Variants in CDH13 observed in about 807,000 individuals in gnomAD.
CDH13 encodes the protein cadherin 13.
In CDH13, 24 loss-of-function variants were observed where a neutral mutation model predicts 63.8. The ratio of observed to expected loss-of-function variants is 0.38; its 90% CI spans 0.27 to 0.53. The LOEUF (loss-of-function observed/expected upper bound fraction) is 0.53, where lower values mean the gene tolerates loss of function less well. CDH13 is among the 20% of genes least tolerant of loss of function. The pLI, the probability that CDH13 is intolerant of heterozygous loss-of-function variation, is 0.85. For synonymous variants in CDH13, 503 were observed against 355.3 expected (o/e 1.42, Z -4.67); for missense variants, 1,049 against 903.1 (o/e 1.16, Z -2.07).
intron 1 of CDH13, among the ~76,000 whole-genome samples, chr16:82,702,088 C>T (rs560390523): frequency 5.3e-5 from 8 of 152,282 alleles, no homozygotes; most frequent in South Asian, 4.1e-4. Flanking sequence ...TCCTTGAATG[C>T]GAAGAACCAG....
At chr16:83,565,999 C>A (rs899564856) in intron 7 of CDH13, among the ~76,000 whole-genome samples, 1 of 152,194 alleles carries the variant, frequency 6.6e-6, no homozygotes, top group Non-Finnish European at 1.5e-5. Context: ...TTGTTTAAGA[C>A]TGGGACTCAT....
chr16:83,373,039 A>G (rs148151038), intron 6 of CDH13, among the ~76,000 whole-genome samples: 158 of 152,316 alleles, frequency 1.0e-3, no homozygotes, highest in African/African-American at 3.5e-3. Flanking sequence ...TCATATCAAT[A>G]AAATTGATCA....
intron 5 of CDH13, among the ~76,000 whole-genome samples, chr16:83,256,162 T>C (rs571309082): frequency 1.3e-5 from 2 of 152,192 alleles, no homozygotes; most frequent in Admixed American, 6.5e-5. Context: ...GCCTTCCAAG[T>C]AGTTGGGACT....
chr16:82,759,631 A>C (rs1044252712), intron 1 of CDH13, among the ~76,000 whole-genome samples: 1 of 151,712 alleles, frequency 6.6e-6, no homozygotes, highest in Non-Finnish European at 1.5e-5. Flanking sequence ...ACTTTGGTCC[A>C]TATGCAGTAT....
chr16:83,515,678 T>C (rs906161030), intron 7 of CDH13, among the ~76,000 whole-genome samples: 5 of 152,236 alleles, frequency 3.3e-5, no homozygotes, highest in Admixed American at 6.5e-5. Context: ...TACCAAAATA[T>C]GAGAATCAAG....
intron 2 of CDH13, among the ~76,000 whole-genome samples, chr16:82,882,939 A>G (rs2040757341): frequency 2.0e-5 from 3 of 152,168 alleles, no homozygotes; most frequent in Non-Finnish European, 4.4e-5. Flanking sequence ...TACCCCTTTA[A>G]TGGGAGGGTT....
At chr16:82,733,768 A>C (rs1030000854) in intron 1 of CDH13, among the ~76,000 whole-genome samples, 1 of 152,238 alleles carries the variant, frequency 6.6e-6, no homozygotes, top group African/African-American at 2.4e-5. Flanking sequence ...ACTGCTTAAG[A>C]TATGAAGAGA....
rs1023693595 is a variant in CDH13, at chr16:82,657,419, G to A, written c.45+30282G>A. Among the ~76,000 whole-genome samples the A allele has an allele frequency of 2.0e-5, 3 of 152,192 alleles. No homozygotes were observed. In the East Asian group the frequency reaches 5.8e-4, roughly 29 times the overall value. On this transcript the variant is annotated intron_variant, in intron 1 of 13. Coordinates refer to ENST00000567109, the MANE Select transcript of CDH13 (RefSeq NM_001257.5). Reference sequence around the variant, plus strand: ...GGATGATGGGTAAGATAGACAGGATGGATACACTGAAGAAAATGATAATTC... The same window carrying A: ...GGATGATGGGTAAGATAGACAGGATAGATACACTGAAGAAAATGATAATTC...
intron 7 of CDH13, among the ~76,000 whole-genome samples, chr16:83,489,791 A>T (rs1339270959): frequency 6.6e-6 from 1 of 152,194 alleles, no homozygotes; most frequent in Admixed American, 6.5e-5. Context: ...TCTCAGCCAG[A>T]TGGGCAGAAA....
intron 5 of CDH13, among the ~76,000 whole-genome samples, chr16:83,323,741 G>A (rs1196393188): frequency 6.6e-6 from 1 of 152,136 alleles, no homozygotes; most frequent in East Asian, 1.9e-4. Context: ...CCATAGTACA[G>A]GCCATCACAC....
intron 1 of CDH13, among the ~76,000 whole-genome samples, chr16:82,697,047 A>G (rs1251289256): frequency 1.3e-5 from 2 of 152,228 alleles, no homozygotes; most frequent in Non-Finnish European, 2.9e-5. Context: ...GGAAGGAACC[A>G]GAACACCAGT....
chr16:83,622,357 C>A (rs770637700), intron 8 of CDH13, among the ~76,000 whole-genome samples: 2 of 152,132 alleles, frequency 1.3e-5, no homozygotes, highest in Non-Finnish European at 2.9e-5. Context: ...ACTCTTCCGG[C>A]CCCATGGGAT....
At chr16:83,063,025 G>A (rs183226474) in intron 3 of CDH13, among the ~76,000 whole-genome samples, 180 of 149,812 alleles carry the variant, frequency 1.2e-3, no homozygotes, top group South Asian at 2.3e-3. Context: ...TTCAGGGTGC[G>A]ATCTCGGCTC....
chr16:82,952,394 G>A lies in CDH13; in HGVS notation c.158-79616G>A, dbSNP rs759827. 4.7e-3 allele frequency among the ~76,000 whole-genome samples: 722 copies of A among 152,298 alleles called. 2 individuals carry two copies. The highest frequency in any genetic ancestry group is 0.024 in the Middle Eastern group (7 of 292). Reference sequence around the variant, plus strand: ...CAACACTTGGAAAGTAATTACCATAGTCCCTGGTTAATAGTAAGCTTTCAA... The same window carrying A: ...CAACACTTGGAAAGTAATTACCATAATCCCTGGTTAATAGTAAGCTTTCAA... On this transcript the variant is annotated intron_variant, in intron 2 of 13. Coordinates refer to ENST00000567109, the MANE Select transcript of CDH13 (RefSeq NM_001257.5).
intron 8 of CDH13, among the ~76,000 whole-genome samples, chr16:83,660,543 G>T (rs1309624134): frequency 6.6e-6 from 1 of 152,194 alleles, no homozygotes; most frequent in Non-Finnish European, 1.5e-5. Flanking sequence ...ACCTCCTTCT[G>T]TGTGGCCCGG....
intron 3 of CDH13, among the ~76,000 whole-genome samples, chr16:83,102,965 T>TTTC (rs2034570078): frequency 3.7e-5 from 4 of 107,832 alleles, no homozygotes; most frequent in Non-Finnish European, 5.5e-5. Context: ...TTTTTTTTTT[T>TTTC]TTTTTGAGGT....
At chr16:83,617,277 A>G (rs1369881191) in intron 8 of CDH13, among the ~76,000 whole-genome samples, 1 of 152,184 alleles carries the variant, frequency 6.6e-6, no homozygotes, top group African/African-American at 2.4e-5. Flanking sequence ...CTTCTGATGT[A>G]CTATTAACTA....
At chr16:83,603,024 C>G (rs956139937) in intron 8 of CDH13, among the ~76,000 whole-genome samples, 3 of 152,164 alleles carry the variant, frequency 2.0e-5, no homozygotes, top group Admixed American at 1.3e-4. Flanking sequence ...AACAATGTGG[C>G]CCAGGAGCTT....
At chr16:82,892,328 C>T (rs576090872) in intron 2 of CDH13, among the ~76,000 whole-genome samples, 2 of 152,288 alleles carry the variant, frequency 1.3e-5, no homozygotes, top group Admixed American at 1.3e-4. Context: ...CCTGCATGCT[C>T]ACACACTCTA....
Sources: allele counts gnomAD v4.1 joint callset (sites outside exome capture counted in the v4.1 genomes callset), GRCh38; gene constraint gnomAD v4.1.1; transcripts MANE v1.5; gene names NCBI Gene and HGNC (gene_info 2026-07-23, HGNC 2026-07-21).